Variants in SPTA1 observed in about 807,000 individuals in gnomAD.
SPTA1 encodes the protein spectrin alpha, erythrocytic 1.
Under a neutral mutation model 324.7 loss-of-function variants are expected in SPTA1, and 177 were observed. The ratio of observed to expected loss-of-function variants is 0.55; its 90% CI spans 0.48 to 0.62. The LOEUF (loss-of-function observed/expected upper bound fraction) is 0.62. Ranked by LOEUF, SPTA1 falls within the 20% of genes least tolerant of loss-of-function variation. SPTA1 has a pLI of 0.00. For missense variants in SPTA1, 3,162 were observed against 2,883.6 expected (o/e 1.10, Z -2.21); for synonymous variants, 1,195 against 1,041.3 (o/e 1.15, Z -2.84).
chr1:158,620,147 G>A, intron 44 of SPTA1, 23 bp downstream of exon 44: 1 of 1,613,964 alleles, frequency 6.2e-7, no homozygotes, highest in Non-Finnish European at 8.5e-7. Context: ...GTGAAAGGAA[G>A]TTTCTGCCGT....
chr1:158,623,644 ATG>A (rs1650070090), intron 42 of SPTA1, among the ~76,000 whole-genome samples: 2 of 152,016 alleles, frequency 1.3e-5, no homozygotes, highest in Non-Finnish European at 1.5e-5. Context: ...ATGAAGAAGG[ATG>A]TGTTTGTTTC....
chr1:158,633,063 CA>C (rs1650795662), intron 39 of SPTA1, among the ~76,000 whole-genome samples: 1 of 152,090 alleles, frequency 6.6e-6, no homozygotes, highest in African/African-American at 2.4e-5. Flanking sequence ...GTGAAAAGGT[CA>C]ATCTTCAAAA....
chr1:158,647,467 G>A lies in SPTA1; in HGVS notation c.3896+72C>T, dbSNP rs1652080492. 4 of 1,584,808 alleles carry A rather than the reference G, an allele frequency of 2.5e-6. No homozygotes were observed. The African/African-American group carries it at 4.0e-5, about 16-fold the overall frequency. On this transcript the variant is annotated intron_variant, in intron 27 of 51. Transcript: ENST00000643759. ...TGCCCTCCAAAACCAGCAGTGAACA[G>A]CATCTGTACCCAGACTGCTCCCAGA... is the stretch of plus-strand genomic sequence containing the variant.
intron 25 of SPTA1, among the ~76,000 whole-genome samples, chr1:158,649,530 T>C (rs144418250): frequency 3.3e-5 from 5 of 152,328 alleles, no homozygotes; most frequent in African/African-American, 1.2e-4. Context: ...AAAGCAATCC[T>C]CCTGCCTCGG....
chr1:158,636,106 A>C, intron 37 of SPTA1, 72 bp from the exon 38 acceptor site: 3 of 1,613,224 alleles, frequency 1.9e-6, no homozygotes, highest in Non-Finnish European at 1.7e-6. Context: ...CCCTGAGCAA[A>C]GTATCTAGCC....
At chr1:158,674,991 C>T (rs962904157) in intron 8 of SPTA1, among the ~76,000 whole-genome samples, 1 of 152,110 alleles carries the variant, frequency 6.6e-6, no homozygotes, top group African/African-American at 2.4e-5. Context: ...GCTCATAATG[C>T]AACCAATAAA....
At chr1:158,619,096 A>C in intron 45 of SPTA1, 126 bp downstream of exon 45, 1 of 923,774 alleles carries the variant, frequency 1.1e-6, no homozygotes, top group Non-Finnish European at 1.8e-6. Flanking sequence ...CATAGGCAAG[A>C]TATGGGGATT....
At chr1:158,651,655 C>G (rs1394775589) in intron 23 of SPTA1, among the ~76,000 whole-genome samples, 187 bp from the exon 24 acceptor site, 1 of 152,082 alleles carries the variant, frequency 6.6e-6, no homozygotes, top group East Asian at 1.9e-4. Context: ...TAGTGGCTGT[C>G]CAAAACTTGT....
Position 158,643,399 on chromosome 1 carries a change from A to G in SPTA1, c.4365T>C (p.His1455=). 1 of 1,613,800 alleles carries G rather than the reference A, an allele frequency of 6.2e-7. No homozygotes were observed. Residue 1455 remains histidine, a synonymous_variant, in exon 31 of 52, where the codon CAT becomes CAC. Coordinates refer to ENST00000643759, the MANE Select transcript of SPTA1 (RefSeq NM_003126.4). ...AQEGKITDLE[H]FAESLIADEH... Reference sequence around the variant, plus strand: ...CATCAGCAATGAGGCTCTCAGCAAAATGTTCTAGGTCAGTGATCTTCCCTT... The same window carrying G: ...CATCAGCAATGAGGCTCTCAGCAAAGTGTTCTAGGTCAGTGATCTTCCCTT...
Position 158,618,045 on chromosome 1 carries a change from A to G in SPTA1, c.6542T>C (p.Leu2181Pro). The G allele has an allele frequency of 6.2e-7, 1 of 1,611,812 alleles. No individual in the cohort carries two copies. The highest frequency in any genetic ancestry group is 8.5e-7 in the Non-Finnish European group (1 of 1,177,784). Residue 2181 changes from leucine (L) to proline (P), a missense_variant, in exon 46 of 52, where the codon CTG (leucine) becomes CCG (proline). Leu to Pro is a moderately conservative substitution (Grantham distance 98, BLOSUM62 -3). Transcript: ENST00000643759. ...QWILETRAYFLDGSLLKETGT... is the reference protein window; with the variant it reads ...QWILETRAYFPDGSLLKETGT... ...GATAACATAAAATACTGACCCATCC[A>G]GAAAGTAAGCCCTGGACATGGAGGT...
chr1:158,675,725 TA>T (rs1183256900), intron 8 of SPTA1, among the ~76,000 whole-genome samples: 1 of 152,174 alleles, frequency 6.6e-6, no homozygotes, highest in Non-Finnish European at 1.5e-5. Context: ...AGTCAATCCA[TA>T]ACTTAGACTG....
chr1:158,635,975 G>A lies in SPTA1; in HGVS notation c.5370C>T (p.Ile1790=), dbSNP rs755163582. 2 of 1,614,016 alleles carry A rather than the reference G, an allele frequency of 1.2e-6. No homozygotes were observed. Among genetic ancestry groups the A allele is most frequent in the Non-Finnish European group, 1.7e-6 (2 of 1,180,032 alleles). Residue 1790 remains isoleucine, a synonymous_variant, in exon 38 of 52, where the codon ATC becomes ATT. Transcript: ENST00000643759. ...CAACAAACTGAGCCAGCCGCAACTG[G>A]ATCTCCTCTTGCCCCACAGCAGCCT... ...KDKAAVGQEE[I]QLRLAQFVEH... is the part of the protein sequence containing the mutation.
At position 158,667,955 on chromosome 1, in the gene SPTA1, C is replaced by T. The variant is rs771700980; in HGVS notation, c.1941G>A (p.Met647Ile). 5.6e-6 allele frequency: 9 copies of T among 1,613,866 alleles called. No individual in the cohort carries two copies. In the Admixed American group the frequency reaches 1.3e-4, roughly 24 times the overall value. Residue 647 changes from methionine (M) to isoleucine (I), a missense_variant, in exon 15 of 52, where the codon ATG (methionine) becomes ATA (isoleucine). Physicochemically the swap from Met to Ile is conservative, Grantham distance 10. Transcript: ENST00000643759. ...LENIQKTGQE[M>I]IEGGHYASDN... ...CAGAGGCATAGTGACCACCCTCAAT[C>T]ATCTCTTGGCCAGTTTTCTGTATGT...
At chr1:158,676,795 A>C (rs1654420656) in intron 7 of SPTA1, among the ~76,000 whole-genome samples, 1 of 152,162 alleles carries the variant, frequency 6.6e-6, no homozygotes, top group East Asian at 1.9e-4. Context: ...CAGGGTTACT[A>C]GGGCAAAATG....
intron 14 of SPTA1, among the ~76,000 whole-genome samples, chr1:158,668,294 T>A (rs900964465): frequency 1.3e-5 from 2 of 152,190 alleles, no homozygotes; most frequent in Non-Finnish European, 2.9e-5. Flanking sequence ...GACTTAGATA[T>A]GGCTTGAAGA....
At chr1:158,657,386 T>A in intron 19 of SPTA1, 91 bp downstream of exon 19, 2 of 1,319,854 alleles carry the variant, frequency 1.5e-6, no homozygotes, top group East Asian at 4.6e-5. Context: ...TGGCAGAATC[T>A]GTAGCTGTCC....
chr1:158,656,000 G>A (rs539787776), intron 20 of SPTA1, among the ~76,000 whole-genome samples: 3 of 152,184 alleles, frequency 2.0e-5, no homozygotes, highest in Non-Finnish European at 2.9e-5. Context: ...CAGATCAGGC[G>A]GTTTCCCTTA....
rs1652106352 is a variant in SPTA1 at position 158,647,728 on chromosome 1, G to A, written c.3715-8C>T. On this transcript the variant is annotated splice_polypyrimidine_tract_variant and splice_region_variant and intron_variant, in intron 26 of 51. Coordinates refer to ENST00000643759, the MANE Select transcript of SPTA1 (RefSeq NM_003126.4). Reference sequence around the variant, plus strand: ...CTCCCCCAGTATGGTCACCTGGGGAGGTACAATAGCTCTGATAATCAGCCT... The same window carrying A: ...CTCCCCCAGTATGGTCACCTGGGGAAGTACAATAGCTCTGATAATCAGCCT... 6 of 1,613,782 alleles carry A rather than the reference G, an allele frequency of 3.7e-6. 1 individual carries two copies. The East Asian group carries it at 1.3e-4, about 36-fold the overall frequency.
chr1:158,664,578 G>T (rs934086643), intron 16 of SPTA1, among the ~76,000 whole-genome samples: 2 of 152,198 alleles, frequency 1.3e-5, no homozygotes, highest in African/African-American at 4.8e-5. Context: ...ATGACAGGTT[G>T]ATAGGTGCAG....
Sources: allele counts gnomAD v4.1 joint callset (sites outside exome capture counted in the v4.1 genomes callset), GRCh38; gene constraint gnomAD v4.1.1; transcripts MANE v1.5; gene names NCBI Gene and HGNC (gene_info 2026-07-23, HGNC 2026-07-21).